Variants in SEC31A observed in about 807,000 individuals in gnomAD.
The protein encoded by SEC31A is protein transport protein Sec31A.
Under a neutral mutation model 151.0 loss-of-function variants are expected in SEC31A, and 70 were observed. The observed-to-expected ratio is 0.46, with a 90% CI of 0.38 to 0.57. The LOEUF (loss-of-function observed/expected upper bound fraction) is 0.57, where lower values mean the gene tolerates loss of function less well. Ranked by LOEUF, SEC31A falls within the 20% of genes least tolerant of loss-of-function variation. SEC31A has a pLI of 0.00. For missense variants in SEC31A, 1,330 were observed against 1,471.2 expected, an observed-to-expected ratio of 0.90 and a Z score of 1.57; for synonymous variants, 475 against 505.9, an observed-to-expected ratio of 0.94 and a Z score of 0.82.
upstream of SEC31A, among the ~76,000 whole-genome samples, chr4:82,892,653 A>T (rs753929543): frequency 6.6e-6 from 1 of 152,268 alleles, no homozygotes; most frequent in African/African-American, 2.4e-5. Flanking sequence ...TGCATGAACT[A>T]AACAGATGAT....
chr4:82,861,636 C>A lies in SEC31A; in HGVS notation c.1621G>T (p.Gly541Ter). ...ESPAAEEQLL[G>*]EHIKEEKEES... The stretch of plus-strand genomic sequence containing the variant: ...TATGAAAAAAAAATAAGTACCTCTC[C>A]CAAGAGCTGCTCTTCAGCAGCAGGG... The change falls in exon 14 of 27, where the codon GGA becomes TGA. Residue 541 changes from glycine (G) to a stop codon, truncating the protein, a stop_gained. Coordinates refer to ENST00000395310, the MANE Select transcript of SEC31A (RefSeq NM_001077207.4). LOFTEE classifies it high-confidence loss of function. 6.2e-7 allele frequency: 1 copy of A among 1,604,486 alleles called. No individual in the cohort carries two copies. Among genetic ancestry groups the A allele is most frequent in the Non-Finnish European group, 8.5e-7 (1 of 1,172,644 alleles).
At position 82,874,764 on chromosome 4, in the gene SEC31A, AAC is replaced by A; in HGVS notation, c.499-15_499-14del. The A allele has an allele frequency of 6.3e-7, 1 of 1,591,576 alleles. No homozygotes were observed. Among genetic ancestry groups the A allele is most frequent in the Non-Finnish European group, 8.5e-7 (1 of 1,174,898 alleles). On this transcript the variant is annotated splice_polypyrimidine_tract_variant and intron_variant, in intron 5 of 26. Coordinates refer to ENST00000395310, the MANE Select transcript of SEC31A (RefSeq NM_001077207.4). ...TATCTTCTGGCGGCTACAAGGAAGA[AAC>A]AGTTAATAAAAACTGCTTGTTTCTC... is the stretch of plus-strand genomic sequence containing the variant.
chr4:82,868,335 C>CA (rs529722274), intron 8 of SEC31A, among the ~76,000 whole-genome samples: 166 of 151,648 alleles, frequency 1.1e-3, no homozygotes, highest in African/African-American at 3.6e-3. Flanking sequence ...CCCATCTCTA[C>CA]AAAAAAATAC....
At position 82,870,251 on chromosome 4, in the gene SEC31A, C is replaced by T; in HGVS notation, c.882+74G>A. Reference sequence around the variant, plus strand: ...ATAGTAATCCACTAAAGAATCCACACAGAAAATTTCTTATGTAGCCAGAAG... The same window carrying T: ...ATAGTAATCCACTAAAGAATCCACATAGAAAATTTCTTATGTAGCCAGAAG... On this transcript the variant is annotated intron_variant, in intron 8 of 26. Coordinates refer to ENST00000395310, the MANE Select transcript of SEC31A (RefSeq NM_001077207.4). 4 of 1,157,536 alleles carry T rather than the reference C, an allele frequency of 3.5e-6. No individual in the cohort carries two copies. The South Asian group carries it at 5.4e-5, about 16-fold the overall frequency. The allele number at this position is 1,157,536 out of a possible 1,614,324, so 71.7% of individuals were successfully genotyped here.
At chr4:82,899,294 G>C (rs965582739) in intron 3 of SEC31A, among the ~76,000 whole-genome samples, 2 of 152,204 alleles carry the variant, frequency 1.3e-5, no homozygotes, top group African/African-American at 4.8e-5. Context: ...CCACAATTCT[G>C]TGCATATACT....
upstream of SEC31A, chr4:82,893,631 A>C (rs1050257864): frequency 2.6e-5 from 4 of 152,254 alleles, no homozygotes; most frequent in Non-Finnish European, 5.9e-5. Context: ...GTATATATTT[A>C]CAAAACAGAA....
chr4:82,836,629 G>A (rs1727375645), intron 22 of SEC31A, among the ~76,000 whole-genome samples: 1 of 152,040 alleles, frequency 6.6e-6, no homozygotes, highest in African/African-American at 2.4e-5. Context: ...GACAAATGTT[G>A]CATGATTCTA....
intron 22 of SEC31A, among the ~76,000 whole-genome samples, chr4:82,841,288 T>C (rs1728657832): frequency 6.6e-6 from 1 of 150,536 alleles, no homozygotes; most frequent in African/African-American, 2.4e-5. Context: ...CTGGGCTTGG[T>C]GGTGCACACC....
intron 20 of SEC31A, 75 bp from the exon 21 acceptor site, chr4:82,844,584 T>G: frequency 2.5e-5 from 34 of 1,373,036 alleles, no homozygotes; most frequent in Non-Finnish European, 3.0e-5. Flanking sequence ...TTACAATCTC[T>G]GAAATGGAAT....
chr4:82,844,415 G>A lies in SEC31A; in HGVS notation c.2597C>T (p.Thr866Ile), dbSNP rs747778775. 3.7e-6 allele frequency: 6 copies of A among 1,614,158 alleles called. No individual in the cohort carries two copies. The South Asian group carries it at 4.4e-5, about 12-fold the overall frequency. The change falls in exon 21 of 27, where the codon ACC becomes ATC. Residue 866 changes from threonine to isoleucine, a missense_variant. Thr to Ile is a moderately conservative substitution (Grantham distance 89). Coordinates refer to ENST00000395310, the MANE Select transcript of SEC31A (RefSeq NM_001077207.4). Reference sequence around the variant, plus strand: ...TGGCTGTGGATAAGGTGGTACCTGGGTGTGCATATGACCTGGAGATGTGGG... The same window carrying A: ...TGGCTGTGGATAAGGTGGTACCTGGATGTGCATATGACCTGGAGATGTGGG... ...QLPTSPGHMH[T>I]QVPPYPQPQP... is the part of the protein sequence containing the mutation.
Position 82,821,126 on chromosome 4 carries a change from T to C in SEC31A, c.3412-18A>G, listed in dbSNP as rs373388778. ...TTGGTTTGCTGCAGGAAAGAAAAAA[T>C]AGATGTTATATTTGAACATTAACTT... is the stretch of plus-strand genomic sequence containing the variant. On this transcript the variant is annotated intron_variant, in intron 25 of 26. Coordinates refer to ENST00000395310, the MANE Select transcript of SEC31A (RefSeq NM_001077207.4). The C allele has an allele frequency of 7.1e-5, 113 of 1,597,980 alleles. No homozygotes were observed. The highest frequency in any genetic ancestry group is 8.9e-5 in the Non-Finnish European group (104 of 1,165,760).
chr4:82,876,320 G>A (rs1737953517), intron 4 of SEC31A, among the ~76,000 whole-genome samples: 6 of 152,056 alleles, frequency 3.9e-5, no homozygotes, highest in Admixed American at 3.9e-4. Flanking sequence ...ATGTTGGTCA[G>A]GCTGGTCTCA....
At position 82,880,663 on chromosome 4, in the gene SEC31A, T is replaced by G. The variant is rs1739074487; in HGVS notation, c.203+136A>C. The G allele has an allele frequency of 6.7e-6, 5 of 747,288 alleles. No individual in the cohort carries two copies. In the South Asian group the frequency reaches 1.3e-4, roughly 19 times the overall value. The allele number at this position is 747,288 out of a possible 1,614,324, so 46.3% of individuals were successfully genotyped here. Reference sequence around the variant, plus strand: ...TTACTTCCATAAAAATTCACTCACATGCTTTTTCACAAAATATTTCATGTT... The same window carrying G: ...TTACTTCCATAAAAATTCACTCACAGGCTTTTTCACAAAATATTTCATGTT... On this transcript the variant is annotated intron_variant, in intron 3 of 26. Coordinates refer to ENST00000395310, the MANE Select transcript of SEC31A (RefSeq NM_001077207.4).
chr4:82,835,639 G>A (rs1225024920), intron 22 of SEC31A, among the ~76,000 whole-genome samples: 2 of 152,004 alleles, frequency 1.3e-5, no homozygotes, highest in South Asian at 2.1e-4. Flanking sequence ...CCACTAAAAC[G>A]CAAAAATTAG....
In SEC31A at chr4:82,861,789, C is replaced by T. The variant is rs1035829395; in HGVS notation, c.1549-81G>A. The T allele has an allele frequency of 1.9e-5, 16 of 830,268 alleles. No homozygotes were observed. In the African/African-American group the frequency reaches 2.6e-4, roughly 13 times the overall value. 51.4% of individuals were successfully genotyped at this position (830,268 alleles called of 1,614,324 possible). ...ATTAGTGAACCAGGAAGACAAAAGA[C>T]CCAACCAACAACATTCAGAGCTAGT... is the stretch of plus-strand genomic sequence containing the variant. On this transcript the variant is annotated intron_variant, in intron 13 of 26. Transcript: ENST00000395310.
intron 25 of SEC31A, among the ~76,000 whole-genome samples, chr4:82,823,084 T>C (rs1246141440): frequency 6.6e-6 from 1 of 152,166 alleles, no homozygotes; most frequent in Admixed American, 6.5e-5. Flanking sequence ...CCCCAACTAA[T>C]TACAGAAATT....
intron 22 of SEC31A, among the ~76,000 whole-genome samples, chr4:82,839,189 T>C (rs1321385028): frequency 6.6e-6 from 1 of 151,898 alleles, no homozygotes; most frequent in Non-Finnish European, 1.5e-5. Context: ...ACGCTCTTGT[T>C]GCCCAGGCTG....
intron 15 of SEC31A, among the ~76,000 whole-genome samples, chr4:82,857,450 T>C (rs1297312777): frequency 1.3e-5 from 2 of 152,214 alleles, no homozygotes; most frequent in Admixed American, 6.5e-5. Flanking sequence ...AAGTGAGTTC[T>C]TTCTCACACT....
intron 12 of SEC31A, 116 bp from the exon 13 acceptor site, chr4:82,862,688 T>A (rs959615707): frequency 1.2e-6 from 1 of 819,994 alleles, no homozygotes; most frequent in Admixed American, 2.3e-5. Flanking sequence ...ATAGGAATAG[T>A]ATGTTTAAAA....
Sources: allele counts gnomAD v4.1 joint callset (sites outside exome capture counted in the v4.1 genomes callset), GRCh38; gene constraint gnomAD v4.1.1; transcripts MANE v1.5; gene names NCBI Gene and HGNC (gene_info 2026-07-23, HGNC 2026-07-21).